Variants in SERPINB11 observed in about 807,000 individuals in gnomAD.
SERPINB11 encodes serpin B11.
A neutral mutation model predicts 36.7 loss-of-function variants in SERPINB11; 32 were observed. The observed-to-expected ratio is 0.87, with a 90% confidence interval of 0.66 to 1.17. SERPINB11 has a LOEUF of 1.17. Among genes scored for constraint, SERPINB11 ranks in the 50% most tolerant of loss-of-function variants. SERPINB11 has a pLI of 0.00. For missense variants in SERPINB11, 528 were observed against 458.4 expected (o/e 1.15, Z -1.39); for synonymous variants, 174 against 168.1 (o/e 1.04, Z -0.27).
chr18:63,710,981 C>T (rs1914508002), intron 2 of SERPINB11, among the ~76,000 whole-genome samples: 1 of 152,190 alleles, frequency 6.6e-6, no homozygotes, highest in South Asian at 2.1e-4. Context: ...CTTACACAGC[C>T]CCAGATGGGT....
At chr18:63,722,964 CAT>C (rs774180605) in intron 7 of SERPINB11, 29 bp from the exon 8 acceptor site, 2 of 1,526,784 alleles carry the variant, frequency 1.3e-6, no homozygotes, top group Non-Finnish European at 1.8e-6. Flanking sequence ...GTGTTTGACT[CAT>C]GTGGGCTTGT....
chr18:63,704,692 A>G (rs1914324971), intron 1 of SERPINB11, among the ~76,000 whole-genome samples: 1 of 152,236 alleles, frequency 6.6e-6, no homozygotes, highest in East Asian at 1.9e-4. Context: ...TATGAGTTCA[A>G]TGCTTGAAGA....
chr18:63,710,049 A>T lies in SERPINB11; in HGVS notation c.-15-130A>T, dbSNP rs1914475884. On this transcript the variant is annotated intron_variant, in intron 1 of 7. Transcript: ENST00000544088. ...ATTTACTCATTTCTCAGAAATTGTG[A>T]TAAGGGTATGTAGTTTTTCATGAAG... The T allele has an allele frequency of 5.0e-5, 29 of 580,532 alleles. No homozygotes were observed. In the South Asian group the frequency reaches 1.0e-3, roughly 21 times the overall value. The allele number at this position is 580,532 out of a possible 1,614,324, so 36.0% of individuals were successfully genotyped here.
chr18:63,710,275 ATCT>A lies in SERPINB11; in HGVS notation c.87_89del (p.Phe30del), dbSNP rs747062001. 4.7e-5 allele frequency: 76 copies of A among 1,613,742 alleles called. No homozygotes were observed. Among genetic ancestry groups the A allele is most frequent in the Non-Finnish European group, 5.9e-5 (70 of 1,179,808 alleles). On this transcript the variant is annotated inframe_deletion, in exon 2 of 8. Coordinates refer to ENST00000544088, the MANE Select transcript of SERPINB11 (RefSeq NM_001370475.1). ...GAACAGTAACAACATAGGAGATAAC[ATCT>A]TCTTTTCTTCGCTGAGTCTGCTTTA... is the stretch of plus-strand genomic sequence containing the variant.
At position 63,720,043 on chromosome 18, in the gene SERPINB11, C is replaced by A; in HGVS notation, c.506C>A (p.Thr169Lys). ...GKVANLFGKS[T>K]IDPSSVMVLV... ...GTCGCAAATCTCTTTGGAAAGAGCA[C>A]AATTGACCCTTCATCTGTAATGGTC... Residue 169 changes from threonine (T) to lysine (K), a missense_variant, in exon 6 of 8, where the codon ACA becomes AAA. Physicochemically the swap from Thr to Lys is moderately conservative, Grantham distance 78 (BLOSUM62 -1). Coordinates refer to ENST00000544088, the MANE Select transcript of SERPINB11 (RefSeq NM_001370475.1). 6.2e-7 allele frequency: 1 copy of A among 1,608,824 alleles called. No homozygotes were observed. Among genetic ancestry groups the A allele is most frequent in the Non-Finnish European group, 8.5e-7 (1 of 1,177,502 alleles).
chr18:63,714,250 C>T (rs546237239), intron 4 of SERPINB11, among the ~76,000 whole-genome samples: 6 of 152,076 alleles, frequency 3.9e-5, no homozygotes, highest in South Asian at 2.1e-4. Flanking sequence ...AGGGAGTGTA[C>T]GAATAGGGTG....
intron 1 of SERPINB11, among the ~76,000 whole-genome samples, chr18:63,703,654 A>G (rs541461156): frequency 6.6e-6 from 1 of 152,314 alleles, no homozygotes; most frequent in South Asian, 2.1e-4. Context: ...ATAAGTGGTC[A>G]TGAGAGAAGA....
At position 63,723,346 on chromosome 18, in the gene SERPINB11, AG is replaced by A. The variant is rs749636994; in HGVS notation, c.1128del (p.Arg376SerfsTer30). ...KANHPFLFFI[R>X]HTHTNTILFC... ...GAACCACCCCTTCCTTTTCTTTATA[AG>A]GCACACTCATACCAACACGATCCTA... On this transcript the variant is annotated frameshift_variant, in exon 8 of 8. Transcript: ENST00000544088. LOFTEE classifies it high-confidence loss of function. The A allele has an allele frequency of 1.2e-6, 2 of 1,613,808 alleles. No homozygotes were observed. The highest frequency in any genetic ancestry group is 4.5e-5 in the East Asian group (2 of 44,880).
intron 1 of SERPINB11, among the ~76,000 whole-genome samples, chr18:63,709,760 G>C (rs1039855933): frequency 2.0e-5 from 3 of 152,198 alleles, no homozygotes; most frequent in Non-Finnish European, 4.4e-5. Flanking sequence ...AAAGCGGGTA[G>C]TCTAGTGGGA....
In SERPINB11 at chr18:63,712,563, A is replaced by C. The variant is rs375127057; in HGVS notation, c.229-2A>C. ...ATCATTCTTTGTTTACTGATGCTTC[A>C]GTGCAGCCAAGCTGGAAGAATTCAT... On this transcript the variant is annotated splice_acceptor_variant, in intron 3 of 7. Transcript: ENST00000544088. LOFTEE classifies it high-confidence loss of function. 1.2e-6 allele frequency: 2 copies of C among 1,613,690 alleles called. No homozygotes were observed. The highest frequency in any genetic ancestry group is 1.7e-6 in the Non-Finnish European group (2 of 1,179,654).
intron 2 of SERPINB11, 106 bp from the exon 3 acceptor site, chr18:63,711,229 C>G: frequency 1.3e-6 from 1 of 789,218 alleles, no homozygotes; most frequent in African/African-American, 1.7e-5. Context: ...TTAGCTATCA[C>G]TACTGATCTT....
chr18:63,710,349 G>C lies in SERPINB11; in HGVS notation c.156G>C (p.Glu52Asp). ...VLLGARGETE[E>D]QLEKVLHFSH... Reference sequence around the variant, plus strand: ...TTGGTGCCAGGGGAGAGACTGAAGAGCAATTGGAGAAGGTATGGAATTCCT... The same window carrying C: ...TTGGTGCCAGGGGAGAGACTGAAGACCAATTGGAGAAGGTATGGAATTCCT... The change falls in exon 2 of 8, where the codon GAG becomes GAC. Residue 52 changes from glutamate (E) to aspartate (D), a missense_variant. Physicochemically the swap from Glu to Asp is conservative, Grantham distance 45. Coordinates refer to ENST00000544088, the MANE Select transcript of SERPINB11 (RefSeq NM_001370475.1). 1 of 1,611,290 alleles carries C rather than the reference G, an allele frequency of 6.2e-7. No individual in the cohort carries two copies. Among genetic ancestry groups the C allele is most frequent in the Non-Finnish European group, 8.5e-7 (1 of 1,178,814 alleles).
intron 3 of SERPINB11, 134 bp from the exon 4 acceptor site, chr18:63,712,431 G>T: frequency 1.2e-6 from 1 of 837,846 alleles, no homozygotes. Context: ...GGAAGAAAAT[G>T]CTTTAAACTA....
At chr18:63,705,521 A>G (rs556940011) in intron 1 of SERPINB11, 2 of 152,356 alleles carry the variant, frequency 1.3e-5, no homozygotes, top group Admixed American at 1.3e-4. Context: ...CCATAAGTAA[A>G]GAAGAGAATG....
At chr18:63,720,751 C>A in intron 6 of SERPINB11, 80 bp from the exon 7 acceptor site, 1 of 1,012,156 alleles carries the variant, frequency 9.9e-7, no homozygotes, top group Non-Finnish European at 1.4e-6. Flanking sequence ...ATGCAGATAT[C>A]CGTGTTATGC....
intron 1 of SERPINB11, among the ~76,000 whole-genome samples, chr18:63,708,462 A>AT (rs1568183191): frequency 6.6e-6 from 1 of 152,140 alleles, no homozygotes. Context: ...GGAAAACAGG[A>AT]TTTTTTCATT....
chr18:63,710,126 A>C, intron 1 of SERPINB11, 53 bp from the exon 2 acceptor site: 8 of 1,403,376 alleles, frequency 5.7e-6, no homozygotes, highest in Non-Finnish European at 7.7e-6. Flanking sequence ...AACTCCAGAT[A>C]CTATCTGTAA....
chr18:63,716,006 T>G, intron 4 of SERPINB11, 29 bp from the exon 5 acceptor site: 1 of 1,444,148 alleles, frequency 6.9e-7, no homozygotes, highest in East Asian at 2.3e-5. Context: ...TGCTTTTGAA[T>G]TGTTGTTCAA....
intron 3 of SERPINB11, 24 bp from the exon 4 acceptor site, chr18:63,712,541 A>C (rs760781261): frequency 1.1e-5 from 18 of 1,613,138 alleles, no homozygotes; most frequent in Non-Finnish European, 1.4e-5. Context: ...TTAATACATC[A>C]TTCTTTGTTT....
Sources: allele counts gnomAD v4.1 joint callset (sites outside exome capture counted in the v4.1 genomes callset), GRCh38; gene constraint gnomAD v4.1.1; transcripts MANE v1.5; gene names NCBI Gene and HGNC (gene_info 2026-07-23, HGNC 2026-07-21).